GARIN5B: variants seen among roughly 807,000 people sequenced by gnomAD.
The protein encoded by GARIN5B is golgi associated RAB2 interactor family member 5B.
chr19:55,360,582 AC>A, the GARIN5B span: 2 of 1,274,690 alleles, frequency 1.6e-6, no homozygotes, highest in Non-Finnish European at 2.1e-6. Flanking sequence ...CCTCCCTCAG[AC>A]CCAGGAGTCC....
At chr19:55,362,306 G>T in the GARIN5B span, 5 of 1,549,936 alleles carry the variant, frequency 3.2e-6, no homozygotes, top group East Asian at 9.8e-5. Flanking sequence ...GGCCGTGCGC[G>T]TGGTCCTGGG....
At chr19:55,360,785 G>A in the GARIN5B span, 155 of 1,551,644 alleles carry the variant, frequency 1.0e-4, no homozygotes, top group South Asian at 1.6e-3. Context: ...TGGGGGAGCC[G>A]TCTGAGCCCT....
chr19:55,358,791 C>G, the GARIN5B span: 1 of 1,549,390 alleles, frequency 6.5e-7, no homozygotes, highest in Non-Finnish European at 8.7e-7. Flanking sequence ...AGCGCTTCCA[C>G]AGAGAAGGGC....
At chr19:55,359,962 A>T in the GARIN5B span, 1 of 1,548,564 alleles carries the variant, frequency 6.5e-7, no homozygotes, top group Non-Finnish European at 8.7e-7. Context: ...TGGCTTCATC[A>T]GATGCAGATG....
At chr19:55,361,268 G>A in the GARIN5B span, 2 of 1,549,184 alleles carry the variant, frequency 1.3e-6, no homozygotes, top group East Asian at 4.9e-5. Context: ...CCTGGGTCAG[G>A]GACCCCAGGG....
At chr19:55,360,854 A>C in the GARIN5B span, 8 of 1,548,378 alleles carry the variant, frequency 5.2e-6, no homozygotes, top group South Asian at 8.4e-5. Context: ...TGATCTTACC[A>C]GGCAAGCGGA....
At chr19:55,358,225 T>C in the GARIN5B span, 1 of 1,550,402 alleles carries the variant, frequency 6.4e-7, no homozygotes, top group South Asian at 1.2e-5. Context: ...TTTCAAGTTC[T>C]AAGAGCATGG....
chr19:55,356,722 C>T, the GARIN5B span, among the ~76,000 whole-genome samples: 7 of 152,120 alleles, frequency 4.6e-5, no homozygotes, highest in East Asian at 1.9e-4. Context: ...ACCACCTCTA[C>T]CTAGTTCCAG....
the GARIN5B span, chr19:55,361,033 T>C: frequency 6.4e-7 from 1 of 1,550,798 alleles, no homozygotes; most frequent in Non-Finnish European, 8.7e-7. Flanking sequence ...GACGTCAGCA[T>C]GCTCCAGCTG....
chr19:55,359,440 A>C, the GARIN5B span: 8 of 1,548,846 alleles, frequency 5.2e-6, no homozygotes, highest in Middle Eastern at 3.7e-4. Flanking sequence ...GGGATGGAGC[A>C]GGTATGGCTG....
At chr19:55,358,846 C>A in the GARIN5B span, 1 of 1,547,420 alleles carries the variant, frequency 6.5e-7, no homozygotes. Flanking sequence ...GTTCCTTGGC[C>A]TTGACCCATC....
chr19:55,360,793 C>T, the GARIN5B span: 2 of 1,551,518 alleles, frequency 1.3e-6, no homozygotes, highest in Non-Finnish European at 8.7e-7. Context: ...CCGTCTGAGC[C>T]CTTTGGGGCA....
At chr19:55,358,484 T>G in the GARIN5B span, 1 of 1,538,290 alleles carries the variant, frequency 6.5e-7, no homozygotes, top group Non-Finnish European at 8.8e-7. Flanking sequence ...AAAGGGCACC[T>G]TGGGTGGCCC....
chr19:55,356,857 C>G, the GARIN5B span, among the ~76,000 whole-genome samples: 1 of 151,958 alleles, frequency 6.6e-6, no homozygotes, highest in African/African-American at 2.4e-5. Context: ...TCGAGACCAG[C>G]CTGGCCAACA....
chr19:55,362,970 C>A, the GARIN5B span: 287 of 1,492,500 alleles, frequency 1.9e-4, 4 homozygotes, highest in East Asian at 2.7e-3. Context: ...AGGTACTCGC[C>A]CTTCTGGAGG....
chr19:55,362,208 G>A, the GARIN5B span: 1 of 1,476,376 alleles, frequency 6.8e-7, no homozygotes, highest in Non-Finnish European at 9.0e-7. Flanking sequence ...GGTTCCTGGG[G>A]CCTGCCATGC....
At chr19:55,359,477 G>C in the GARIN5B span, 1 of 1,547,936 alleles carries the variant, frequency 6.5e-7, no homozygotes, top group Non-Finnish European at 8.7e-7. Flanking sequence ...AGCAGGTACG[G>C]CTGGGGCCTT....
At chr19:55,359,167 C>A in the GARIN5B span, 2 of 1,551,236 alleles carry the variant, frequency 1.3e-6, no homozygotes, top group Non-Finnish European at 1.7e-6. Context: ...TTCCTGTTGG[C>A]AACACGTCAA....
chr19:55,358,450 A>G, the GARIN5B span: 1 of 1,522,056 alleles, frequency 6.6e-7, no homozygotes, highest in Non-Finnish European at 8.8e-7. Flanking sequence ...CCCTCTTCAG[A>G]CTGGCAGAGG....
Sources: allele counts gnomAD v4.1 joint callset (sites outside exome capture counted in the v4.1 genomes callset), GRCh38; gene constraint gnomAD v4.1.1; transcripts MANE v1.5; gene names NCBI Gene and HGNC (gene_info 2026-07-23, HGNC 2026-07-21).